Variants in OSBPL2 observed in about 807,000 individuals in gnomAD.
OSBPL2 encodes oxysterol binding protein like 2.
A neutral mutation model predicts 58.4 loss-of-function variants in OSBPL2; 18 were observed. The ratio of observed to expected loss-of-function variants is 0.31; its 90% CI spans 0.21 to 0.46. The LOEUF is 0.46. Among genes scored for constraint, OSBPL2 ranks in the 20% least tolerant of loss-of-function variants. The pLI, the probability that OSBPL2 is intolerant of heterozygous loss-of-function variation, is 1.00. For missense variants in OSBPL2, 461 were observed against 616.5 expected (o/e 0.75, Z 2.67); for synonymous variants, 221 against 234.1 (o/e 0.94, Z 0.51).
Position 62,249,672 on chromosome 20 carries a change from T to G in OSBPL2, c.-128-6385T>G, listed in dbSNP as rs534025527. ...TTACTGCAACCTCCGCCTCCCAGGT[T>G]CAAGCAATTCTCCTGCCTCAGCCTC... On this transcript the variant is annotated intron_variant, in intron 1 of 13. Transcript: ENST00000313733. Among the ~76,000 whole-genome samples, 6 of 152,294 alleles carry G rather than the reference T, an allele frequency of 3.9e-5. No individual in the cohort carries two copies. In the South Asian group the frequency reaches 1.2e-3, roughly 32 times the overall value.
chr20:62,275,328 CTAAAT>C (rs1300158073), intron 6 of OSBPL2, among the ~76,000 whole-genome samples: 1 of 151,852 alleles, frequency 6.6e-6, no homozygotes, highest in African/African-American at 2.4e-5. Context: ...AAAACTTTTT[CTAAAT>C]TAGAGTGTTT....
At chr20:62,289,733 A>G (rs1305383492) in intron 12 of OSBPL2, among the ~76,000 whole-genome samples, 1 of 152,042 alleles carries the variant, frequency 6.6e-6, no homozygotes, top group Non-Finnish European at 1.5e-5. Flanking sequence ...GCAAAACTCC[A>G]TCTCTACTAA....
intron 2 of OSBPL2, among the ~76,000 whole-genome samples, chr20:62,258,038 T>A (rs1353446062): frequency 1.3e-5 from 2 of 152,168 alleles, no homozygotes; most frequent in African/African-American, 4.8e-5. Context: ...TTGAGTCAGT[T>A]TGCTGTGACT....
At chr20:62,254,782 T>A (rs1027313783) in intron 1 of OSBPL2, among the ~76,000 whole-genome samples, 1 of 152,268 alleles carries the variant, frequency 6.6e-6, no homozygotes, top group Non-Finnish European at 1.5e-5. Context: ...CAAACGCTGC[T>A]TTTCCTGATG....
chr20:62,244,777 C>T (rs539507929), intron 1 of OSBPL2, among the ~76,000 whole-genome samples: 66 of 152,320 alleles, frequency 4.3e-4, no homozygotes, highest in Admixed American at 1.4e-3. Context: ...ACACTGGCCG[C>T]GAGGCCCAGT....
intron 10 of OSBPL2, chr20:62,286,144 T>G: frequency 5.7e-6 from 1 of 175,244 alleles, no homozygotes; most frequent in Non-Finnish European, 1.2e-5. Flanking sequence ...AATTCTATTT[T>G]CTCCTTAGTT....
chr20:62,254,194 A>G (rs1980766282), intron 1 of OSBPL2, among the ~76,000 whole-genome samples: 1 of 152,198 alleles, frequency 6.6e-6, no homozygotes. Flanking sequence ...AAGGCCCCAC[A>G]TCCTAACATT....
intron 7 of OSBPL2, chr20:62,280,347 G>A: frequency 3.2e-6 from 1 of 312,404 alleles, no homozygotes; most frequent in Non-Finnish European, 6.3e-6. Flanking sequence ...CTGTTGTGCA[G>A]TGGCCTTGCT....
In OSBPL2 at chr20:62,254,599, G is replaced by T. The variant is rs535765131; in HGVS notation, c.-128-1458G>T. On this transcript the variant is annotated intron_variant, in intron 1 of 13. Transcript: ENST00000313733. Reference sequence around the variant, plus strand: ...GGAGGGAAGCAGCTGCTGCTGCCCCGTGCGGCTGTGGCAGGGCTGCGGGAT... The same window carrying T: ...GGAGGGAAGCAGCTGCTGCTGCCCCTTGCGGCTGTGGCAGGGCTGCGGGAT... 3.9e-5 allele frequency among the ~76,000 whole-genome samples: 6 copies of T among 152,390 alleles called. No homozygotes were observed. In the East Asian group the frequency reaches 9.6e-4, roughly 24 times the overall value.
chr20:62,239,304 C>T (rs989362414), intron 1 of OSBPL2, among the ~76,000 whole-genome samples: 5 of 152,236 alleles, frequency 3.3e-5, no homozygotes, highest in Non-Finnish European at 7.3e-5. Context: ...GAGGTTCCTT[C>T]TTTCGCCAGT....
rs1983807329 is a variant in OSBPL2, at chr20:62,295,446, A to T, written c.*1559A>T. On this transcript the variant is annotated 3_prime_UTR_variant, in exon 14 of 14. Coordinates refer to ENST00000313733, the MANE Select transcript of OSBPL2 (RefSeq NM_144498.4). This position sits in a 1 kb window ranked among gnomAD's most constrained non-coding sequence, Gnocchi z 4.8. ...GCGTGTGTCTTGGCGTCCACATCAC[A>T]CCTGTGACGGAAGCACTTCTGGAAG... 1 of 152,128 alleles carries T rather than the reference A, an allele frequency of 6.6e-6. No individual in the cohort carries two copies. Among genetic ancestry groups the T allele is most frequent in the African/African-American group, 2.4e-5 (1 of 41,420 alleles). 9.4% of individuals were successfully genotyped at this position (152,128 alleles called of 1,614,324 possible). A position where few individuals can be genotyped will look rare whatever the true frequency, so the allele number is the denominator to read the frequency against.
chr20:62,263,580 G>T (rs1196787415), intron 3 of OSBPL2, 36 bp from the exon 4 acceptor site: 2 of 1,566,732 alleles, frequency 1.3e-6, no homozygotes. Context: ...GTCCTGTGTT[G>T]AATTCACCCA....
At chr20:62,246,190 A>G (rs888100885) in intron 1 of OSBPL2, among the ~76,000 whole-genome samples, 24 of 152,220 alleles carry the variant, frequency 1.6e-4, no homozygotes, top group Admixed American at 1.6e-3. Context: ...CAGGCAGGGC[A>G]TGGTCCCATG....
At chr20:62,240,742 A>G (rs1156948260) in intron 1 of OSBPL2, among the ~76,000 whole-genome samples, 1 of 152,152 alleles carries the variant, frequency 6.6e-6, no homozygotes, top group Non-Finnish European at 1.5e-5. Context: ...GAACTAATAG[A>G]CTTTCTTTTT....
chr20:62,243,446 CCG>C (rs1491005017), intron 1 of OSBPL2, among the ~76,000 whole-genome samples: 4 of 130,696 alleles, frequency 3.1e-5, no homozygotes, highest in African/African-American at 8.2e-5. Context: ...AGCCCCTGCC[CCG>C]CAGCGCCTGC....
chr20:62,247,837 G>T (rs558401987), intron 1 of OSBPL2, among the ~76,000 whole-genome samples: 2 of 152,086 alleles, frequency 1.3e-5, no homozygotes, highest in East Asian at 3.9e-4. Flanking sequence ...GCTAATTTTT[G>T]TATTTTTAGT....
chr20:62,240,256 C>T (rs1979635232), intron 1 of OSBPL2, among the ~76,000 whole-genome samples: 2 of 152,206 alleles, frequency 1.3e-5, no homozygotes, highest in South Asian at 4.1e-4. Flanking sequence ...GGCACTTCCT[C>T]CCTGCCCAGC....
At chr20:62,244,838 A>AC (rs1979992483) in intron 1 of OSBPL2, among the ~76,000 whole-genome samples, 1 of 152,292 alleles carries the variant, frequency 6.6e-6, no homozygotes, top group East Asian at 1.9e-4. Flanking sequence ...AGCCGGGCTC[A>AC]CCTTTGCCTG....
chr20:62,292,455 C>CAT (rs1568856202), intron 13 of OSBPL2, among the ~76,000 whole-genome samples: 1 of 152,194 alleles, frequency 6.6e-6, no homozygotes, highest in Non-Finnish European at 1.5e-5. Flanking sequence ...GCATGGGCTG[C>CAT]GTGGGCCTCA....
Sources: gnomAD v4.1 joint callset for allele counts (sites outside exome capture counted in the v4.1 genomes callset) on GRCh38, gnomAD v4.1.1 for gene constraint, Gnocchi (gnomAD v3.1) non-coding constraint, MANE v1.5 for transcripts, NCBI Gene and HGNC (gene_info 2026-07-23, HGNC 2026-07-21) for gene names.